SREBF2: variants seen among roughly 807,000 people sequenced by gnomAD.
The protein encoded by SREBF2 is sterol regulatory element binding transcription factor 2.
In SREBF2, 55 loss-of-function variants were observed where a neutral mutation model predicts 113.1. That is an observed-to-expected ratio of 0.49 (90% CI 0.39 to 0.61). The LOEUF (loss-of-function observed/expected upper bound fraction) is 0.61, where lower values mean the gene tolerates loss of function less well. SREBF2 is among the 20% of genes least tolerant of loss of function. SREBF2 has a pLI of 0.00. For synonymous variants in SREBF2, 593 were observed against 605.7 expected (o/e 0.98, Z 0.31); for missense variants, 1,349 against 1,487.4 (o/e 0.91, Z 1.53).
chr22:41,844,604 A>G (rs530609062), intron 1 of SREBF2, among the ~76,000 whole-genome samples: 71 of 152,340 alleles, frequency 4.7e-4, no homozygotes, highest in Admixed American at 1.4e-3. Context: ...AAATTTCTGC[A>G]TATCTCAGGC....
intron 4 of SREBF2, among the ~76,000 whole-genome samples, chr22:41,872,370 A>T (rs2077152711): frequency 6.6e-6 from 1 of 152,034 alleles, no homozygotes; most frequent in Non-Finnish European, 1.5e-5. Context: ...AGCGGTGGTG[A>T]CAAGGAGGGG....
At chr22:41,860,367 G>T (rs1026896034) in intron 1 of SREBF2, among the ~76,000 whole-genome samples, 2 of 152,000 alleles carry the variant, frequency 1.3e-5, no homozygotes, top group African/African-American at 4.8e-5. Context: ...AAGACTTTCA[G>T]CCTCAGTTAG....
Position 41,905,866 on chromosome 22 carries a change from G to C in SREBF2, c.*206G>C. On this transcript the variant is annotated 3_prime_UTR_variant, in exon 19 of 19. Coordinates refer to ENST00000361204, the MANE Select transcript of SREBF2 (RefSeq NM_004599.4). ...GCCCATGGTCCAGGGCCTGGTGGGC[G>C]TGAGAGGATAGGTGGCAGGGCAGAA... 1 of 718,216 alleles carries C rather than the reference G, an allele frequency of 1.4e-6. No homozygotes were observed. The highest frequency in any genetic ancestry group is 1.5e-5 in the South Asian group (1 of 67,018). 44.5% of individuals were successfully genotyped at this position (718,216 alleles called of 1,614,324 possible).
At chr22:41,844,323 T>C (rs1188223098) in intron 1 of SREBF2, among the ~76,000 whole-genome samples, 1 of 152,186 alleles carries the variant, frequency 6.6e-6, no homozygotes, top group Non-Finnish European at 1.5e-5. Flanking sequence ...AGTTTGCACA[T>C]TGATGTAGGA....
intron 7 of SREBF2, 49 bp from the exon 8 acceptor site, chr22:41,877,180 G>A (rs1477475648): frequency 1.9e-6 from 3 of 1,574,152 alleles, no homozygotes; most frequent in African/African-American, 2.7e-5. Context: ...ATAAAGTGCT[G>A]TAAAAACCTA....
chr22:41,884,933 G>A lies in SREBF2; in HGVS notation c.2130G>A (p.Pro710=), dbSNP rs758852732. Reference sequence around the variant, plus strand: ...AATGTGCAGAGGAGAAGATCCCACCGAGCACACTGGTTGAGATCCATCTGA... The same window carrying A: ...AATGTGCAGAGGAGAAGATCCCACCAAGCACACTGGTTGAGATCCATCTGA... The part of the protein sequence containing the change: ...LAECAEEKIP[P]STLVEIHLTA... Residue 710 remains proline (P), a synonymous_variant, in exon 11 of 19, where the codon CCG becomes CCA. Coordinates refer to ENST00000361204, the MANE Select transcript of SREBF2 (RefSeq NM_004599.4). The A allele has an allele frequency of 1.2e-5, 19 of 1,614,130 alleles. No homozygotes were observed. The highest frequency in any genetic ancestry group is 1.5e-5 in the Non-Finnish European group (18 of 1,180,024).
intron 1 of SREBF2, among the ~76,000 whole-genome samples, chr22:41,836,482 T>G (rs1471667565): frequency 6.6e-6 from 1 of 151,928 alleles, no homozygotes; most frequent in Non-Finnish European, 1.5e-5. Context: ...ACAAAAAGAG[T>G]TGGGCATGCT....
chr22:41,845,740 C>T (rs751084002), intron 1 of SREBF2, among the ~76,000 whole-genome samples: 25 of 152,306 alleles, frequency 1.6e-4, no homozygotes, highest in African/African-American at 5.5e-4. Context: ...AAGGAGCAGG[C>T]ATGGTGTTTA....
At chr22:41,885,985 T>G (rs1019538318) in intron 11 of SREBF2, 1 of 152,250 alleles carries the variant, frequency 6.6e-6, no homozygotes, top group Non-Finnish European at 1.5e-5. Flanking sequence ...TTACCTCTGT[T>G]TCTGGTGACT....
intron 15 of SREBF2, chr22:41,899,520 C>T (rs768969138): frequency 3.0e-6 from 3 of 992,190 alleles, no homozygotes; most frequent in Middle Eastern, 1.0e-3. Context: ...ATCAAGCAGA[C>T]CCTTAACCGG....
intron 1 of SREBF2, among the ~76,000 whole-genome samples, chr22:41,848,363 A>AG (rs1398110430): frequency 6.6e-6 from 1 of 152,142 alleles, no homozygotes; most frequent in Non-Finnish European, 1.5e-5. Context: ...CTGGGATTAC[A>AG]GGCGTGAGCC....
At chr22:41,896,923 G>C in intron 13 of SREBF2, 129 bp from the exon 14 acceptor site, 1 of 685,638 alleles carries the variant, frequency 1.5e-6, no homozygotes, top group East Asian at 2.9e-5. Context: ...GCTTGCGTGT[G>C]CCTGGGATGA....
chr22:41,892,668 A>AT (rs1556091696), intron 11 of SREBF2, among the ~76,000 whole-genome samples: 42 of 150,662 alleles, frequency 2.8e-4, no homozygotes, highest in Middle Eastern at 3.4e-3. Flanking sequence ...AAAAAAAAAA[A>AT]TGACATGATA....
At chr22:41,893,356 A>C in intron 12 of SREBF2, 71 bp downstream of exon 12, 1 of 1,521,664 alleles carries the variant, frequency 6.6e-7, no homozygotes, top group Non-Finnish European at 9.1e-7. Flanking sequence ...GAGTCACTGC[A>C]CCAGACACGC....
intron 11 of SREBF2, among the ~76,000 whole-genome samples, chr22:41,888,459 T>C (rs1484473152): frequency 7.2e-6 from 1 of 139,138 alleles, no homozygotes; most frequent in Non-Finnish European, 1.5e-5. Flanking sequence ...ACCGTGGGTC[T>C]GCCTCCAGAT....
Position 41,877,960 on chromosome 22 carries a change from ACT to A in SREBF2, c.1599_1600del (p.Asp533GlufsTer119), listed in dbSNP as rs2077212264. 1 of 1,613,928 alleles carries A rather than the reference ACT, an allele frequency of 6.2e-7. No homozygotes were observed. Among genetic ancestry groups the A allele is most frequent in the African/African-American group, 1.3e-5 (1 of 74,874 alleles). On this transcript the variant is annotated frameshift_variant, in exon 9 of 19. Coordinates refer to ENST00000361204, the MANE Select transcript of SREBF2 (RefSeq NM_004599.4). LOFTEE classifies it high-confidence loss of function. ...TTCTTAGGTTCTGGGGGCTGGTTTG[ACT>A]GGATGATGCCTACTCTTCTCTTATG...
chr22:41,836,578 A>G (rs1655910799), intron 1 of SREBF2, among the ~76,000 whole-genome samples: 1 of 152,162 alleles, frequency 6.6e-6, no homozygotes, highest in Non-Finnish European at 1.5e-5. Context: ...TGAGGCAGAG[A>G]CCTTCGTTTC....
At chr22:41,859,686 T>C (rs958451197) in intron 1 of SREBF2, among the ~76,000 whole-genome samples, 3 of 151,690 alleles carry the variant, frequency 2.0e-5, no homozygotes, top group East Asian at 1.9e-4. Context: ...ACATGAGTTA[T>C]CTCATCAATC....
chr22:41,905,033 G>A, intron 18 of SREBF2, 59 bp downstream of exon 18: 2 of 1,441,942 alleles, frequency 1.4e-6, no homozygotes, highest in South Asian at 1.2e-5. Flanking sequence ...TAGGAAGAGA[G>A]GAGAAGAGGG....
Sources: gnomAD v4.1 joint callset for allele counts (sites outside exome capture counted in the v4.1 genomes callset) on GRCh38, gnomAD v4.1.1 for gene constraint, MANE v1.5 for transcripts, NCBI Gene and HGNC (gene_info 2026-07-23, HGNC 2026-07-21) for gene names.